The following RBMS3 variants were observed in gnomAD, a reference collection of about 807,000 sequenced individuals.
RBMS3 encodes RNA-binding motif, single-stranded-interacting protein 3.
A neutral mutation model predicts 66.8 loss-of-function variants in RBMS3; 27 were observed. The observed-to-expected ratio is 0.40, with a 90% CI of 0.30 to 0.56. The LOEUF (loss-of-function observed/expected upper bound fraction) is 0.56. Ranked by LOEUF, RBMS3 falls within the 20% of genes least tolerant of loss-of-function variation. The probability of loss-of-function intolerance (pLI) is 0.40; values close to 1 mark genes in which losing one functional copy is unlikely to be tolerated. For missense variants in RBMS3, 513 were observed against 549.5 expected, an observed-to-expected ratio of 0.93 and a Z score of 0.66; for synonymous variants, 188 against 183.0, an observed-to-expected ratio of 1.03 and a Z score of -0.22.
chr3:29,548,324 G>T (rs2046047198), intron 3 of RBMS3, among the ~76,000 whole-genome samples: 1 of 151,988 alleles, frequency 6.6e-6, no homozygotes, highest in Admixed American at 6.6e-5. Context: ...TAGCTACTCA[G>T]GAGGCTCAGG....
chr3:29,912,981 G>A (rs994463183), intron 10 of RBMS3, among the ~76,000 whole-genome samples: 7 of 151,896 alleles, frequency 4.6e-5, no homozygotes, highest in Admixed American at 3.3e-4. Flanking sequence ...ACACAGTTGG[G>A]ATCTAGTAGT....
chr3:29,583,420 A>G (rs368574600), intron 3 of RBMS3, among the ~76,000 whole-genome samples: 2 of 152,168 alleles, frequency 1.3e-5, no homozygotes, highest in East Asian at 1.9e-4. Context: ...GTATTAATAG[A>G]CACTTTTATC....
chr3:29,919,616 A>G (rs1490443389), intron 10 of RBMS3, among the ~76,000 whole-genome samples: 1 of 152,210 alleles, frequency 6.6e-6, no homozygotes, highest in African/African-American at 2.4e-5. Flanking sequence ...CAAAACATAC[A>G]TGTGTTTAAT....
At chr3:29,656,807 T>C (rs1342074913) in intron 4 of RBMS3, among the ~76,000 whole-genome samples, 1 of 152,202 alleles carries the variant, frequency 6.6e-6, no homozygotes, top group African/African-American at 2.4e-5. Flanking sequence ...CTCTCTCTCG[T>C]ACATTAGTTA....
chr3:29,825,041 CTTT>C (rs199929851), intron 6 of RBMS3, among the ~76,000 whole-genome samples: 107 of 140,478 alleles, frequency 7.6e-4, no homozygotes, highest in African/African-American at 2.6e-3. Flanking sequence ...TATCATCATT[CTTT>C]TTTTTTTTTT....
At chr3:29,347,762 C>T (rs1367849623) in intron 1 of RBMS3, among the ~76,000 whole-genome samples, 1 of 152,066 alleles carries the variant, frequency 6.6e-6, no homozygotes, top group African/African-American at 2.4e-5. Flanking sequence ...TTTATTTCTC[C>T]CCACAAAACT....
intron 3 of RBMS3, among the ~76,000 whole-genome samples, chr3:29,513,529 C>T (rs1046862851): frequency 2.0e-5 from 3 of 152,102 alleles, no homozygotes; most frequent in African/African-American, 4.8e-5. Flanking sequence ...AGTTTAAAAA[C>T]CTCAAAGTTC....
At chr3:29,930,111 T>TTCTTTC (rs796774615) in intron 10 of RBMS3, among the ~76,000 whole-genome samples, 51 of 58,310 alleles carry the variant, frequency 8.7e-4, no homozygotes, top group Non-Finnish European at 1.7e-3. Flanking sequence ...CTTTCTTTCT[T>TTCTTTC]TTTTTTTTTT....
At chr3:29,489,772 C>T (rs1226246992) in intron 3 of RBMS3, among the ~76,000 whole-genome samples, 3 of 148,858 alleles carry the variant, frequency 2.0e-5, no homozygotes, top group Admixed American at 6.7e-5. Context: ...CTGCTGGGCG[C>T]GGTGGCTCAC....
At chr3:29,506,003 A>C (rs1158651043) in intron 3 of RBMS3, among the ~76,000 whole-genome samples, 3 of 151,874 alleles carry the variant, frequency 2.0e-5, no homozygotes, top group East Asian at 3.9e-4. Context: ...ATTATAGATA[A>C]AATCATGTTA....
intron 4 of RBMS3, among the ~76,000 whole-genome samples, chr3:29,619,827 C>G (rs914412587): frequency 6.6e-6 from 1 of 152,066 alleles, no homozygotes; most frequent in African/African-American, 2.4e-5. Context: ...AGTTTATACA[C>G]CACTTACATT....
chr3:29,402,837 A>C (rs140429118), intron 1 of RBMS3, among the ~76,000 whole-genome samples: 140 of 152,136 alleles, frequency 9.2e-4, no homozygotes, highest in African/African-American at 3.2e-3. Context: ...ATTGATAAAG[A>C]AGAATTCAAA....
chr3:29,993,977 C>T (rs147335958), intron 14 of RBMS3, among the ~76,000 whole-genome samples: 4,954 of 152,268 alleles, frequency 0.033, 276 homozygotes, highest in African/African-American at 0.11. Flanking sequence ...CCAGTGTGAG[C>T]GACGCAGAAG....
chr3:29,801,000 C>T (rs1013977573), intron 6 of RBMS3, among the ~76,000 whole-genome samples: 6 of 121,438 alleles, frequency 4.9e-5, no homozygotes, highest in Non-Finnish European at 7.5e-5. Flanking sequence ...CGTGCACACA[C>T]GCATGCACAC....
intron 11 of RBMS3, among the ~76,000 whole-genome samples, chr3:29,940,375 CAAGATT>C (rs1477955397): frequency 1.3e-5 from 2 of 151,812 alleles, no homozygotes; most frequent in African/African-American, 4.8e-5. Flanking sequence ...AGTGACAAGT[CAAGATT>C]AAGATTAAGA....
intron 14 of RBMS3, 116 bp from the exon 15 acceptor site, chr3:30,003,740 C>G: frequency 1.6e-6 from 1 of 625,750 alleles, no homozygotes; most frequent in Non-Finnish European, 2.5e-6. Flanking sequence ...GCTTTTGTGA[C>G]TATGTTACAT....
intron 1 of RBMS3, among the ~76,000 whole-genome samples, chr3:29,323,850 G>T (rs1290739054): frequency 2.0e-5 from 3 of 151,964 alleles, no homozygotes; most frequent in Middle Eastern, 6.8e-3. Context: ...TTTTTGGCAT[G>T]AACTAAGCTT....
intron 4 of RBMS3, among the ~76,000 whole-genome samples, chr3:29,608,433 T>C (rs968464843): frequency 6.6e-6 from 1 of 151,990 alleles, no homozygotes; most frequent in African/African-American, 2.4e-5. Flanking sequence ...ATTCTTAGTT[T>C]CATTGTGATA....
intron 6 of RBMS3, among the ~76,000 whole-genome samples, chr3:29,779,706 A>AATAT (rs566888716): frequency 0.013 from 1,351 of 107,036 alleles, 65 homozygotes; most frequent in African/African-American, 0.038. Context: ...ATTAAGATGA[A>AATAT]ATATATATAT....
Sources: gnomAD v4.1 joint callset for allele counts (sites outside exome capture counted in the v4.1 genomes callset) on GRCh38, gnomAD v4.1.1 for gene constraint, MANE v1.5 for transcripts, NCBI Gene and HGNC (gene_info 2026-07-23, HGNC 2026-07-21) for gene names.